XIAP: variants seen among roughly 807,000 people sequenced by gnomAD.
The protein encoded by XIAP is E3 ubiquitin-protein ligase XIAP.
XIAP carries 3 observed loss-of-function variants against 33.1 expected under a neutral mutation model. The ratio of observed to expected loss-of-function variants is 0.09; its 90% CI spans 0.04 to 0.23. The LOEUF is 0.23. XIAP is among the 10% of genes least tolerant of loss of function. XIAP has a pLI of 1.00. For missense variants in XIAP, 264 were observed against 363.0 expected, an observed-to-expected ratio of 0.73 and a Z score of 2.22; for synonymous variants, 98 against 121.3, an observed-to-expected ratio of 0.81 and a Z score of 1.26.
At chrX:123,891,418 TTCA>T in intron 4 of XIAP, 102 bp downstream of exon 4, 2 of 410,001 alleles carry the variant, frequency 4.9e-6, no homozygotes, top group Non-Finnish European at 8.3e-6. Context: ...TAGTTATTTC[TTCA>T]TGTGATATTC....
chrX:123,888,826 C>T (rs1047905447), intron 3 of XIAP, 108 bp downstream of exon 3: 102 of 653,644 alleles, frequency 1.6e-4, no homozygotes, highest in Non-Finnish European at 2.2e-4. Flanking sequence ...GCTTGAAATT[C>T]ATGCTAGGTT....
At chrX:123,888,541 A>G (rs999882529) in intron 2 of XIAP, 78 bp from the exon 3 acceptor site, 10 of 898,768 alleles carry the variant, frequency 1.1e-5, no homozygotes, top group African/African-American at 7.8e-5. Context: ...AGATGTGCTT[A>G]ATTTTTAGGT....
Position 123,912,837 on chromosome X carries a change from G to T in XIAP, c.*5656G>T. ...CCAGTTAATTTTTTTTGTATTCTTA[G>T]TAGAGACAGGGTTTCACCATGTTGG... On this transcript the variant is annotated 3_prime_UTR_variant, in exon 7 of 7. Coordinates refer to ENST00000371199, the MANE Select transcript of XIAP (RefSeq NM_001167.4). The T allele has an allele frequency of 3.1e-6, 1 of 323,953 alleles. No homozygotes were observed. Among genetic ancestry groups the T allele is most frequent in the Non-Finnish European group, 6.0e-6 (1 of 167,847 alleles). The allele number at this position is 323,953 out of a possible 1,213,427, so 26.7% of individuals were successfully genotyped here.
chrX:123,889,204 C>A (rs1387509085), intron 3 of XIAP, among the ~76,000 whole-genome samples: 1 of 110,097 alleles, frequency 9.1e-6, no homozygotes, highest in African/African-American at 3.3e-5. Context: ...GATTCTCCTG[C>A]CTCAGCCTCC....
intron 1 of XIAP, 117 bp downstream of exon 1, chrX:123,860,410 A>T (rs2053068196): frequency 2.4e-5 from 7 of 292,678 alleles, no homozygotes; most frequent in South Asian, 1.8e-4. Context: ...GGAGGGCGGG[A>T]AGGCCGCGCC....
intron 1 of XIAP, among the ~76,000 whole-genome samples, chrX:123,877,923 G>A (rs1018340731): frequency 3.7e-5 from 4 of 108,319 alleles, no homozygotes; most frequent in African/African-American, 1.0e-4. Context: ...GCAGTGAGCC[G>A]AGATCGCGCC....
In XIAP at chrX:123,908,185, C is replaced by A. The variant is rs1320056184; in HGVS notation, c.*1004C>A. The A allele has an allele frequency of 2.8e-6, 1 of 362,859 alleles. No individual in the cohort carries two copies. Among genetic ancestry groups the A allele is most frequent in the East Asian group, 6.3e-5 (1 of 15,985 alleles). The allele number at this position is 362,859 out of a possible 1,213,427, so 29.9% of individuals were successfully genotyped here. A position where few individuals can be genotyped will look rare whatever the true frequency, so the allele number is the denominator to read the frequency against. On this transcript the variant is annotated 3_prime_UTR_variant, in exon 7 of 7. Coordinates refer to ENST00000371199, the MANE Select transcript of XIAP (RefSeq NM_001167.4). ...TAATCCAAGAAGGCAGGGCAGTTAA[C>A]CTTTTTGGTGCCAATGTGAAATGTA...
At chrX:123,879,788 T>C in intron 1 of XIAP, among the ~76,000 whole-genome samples, 1 of 111,709 alleles carries the variant, frequency 9.0e-6, no homozygotes, top group East Asian at 2.8e-4. Context: ...CCTTATATCC[T>C]TTTCCCCATT....
At chrX:123,886,565 A>G (rs746355338) in intron 2 of XIAP, 26 bp downstream of exon 2, 3 of 1,197,527 alleles carry the variant, frequency 2.5e-6, no homozygotes, top group East Asian at 5.9e-5. Flanking sequence ...AAACCAATAA[A>G]TAGCTTCCCA....
intron 6 of XIAP, among the ~76,000 whole-genome samples, chrX:123,902,809 G>A (rs1421390766): frequency 9.0e-6 from 1 of 111,613 alleles, no homozygotes; most frequent in Non-Finnish European, 1.9e-5. Flanking sequence ...TGCTCTAATA[G>A]TAAAATGAAT....
At chrX:123,867,915 ATCCACC>A (rs2053158829) in intron 1 of XIAP, among the ~76,000 whole-genome samples, 1 of 111,250 alleles carries the variant, frequency 9.0e-6, no homozygotes, top group African/African-American at 3.3e-5. Flanking sequence ...ACCTCAGGTC[ATCCACC>A]TGCCTTGGCC....
chrX:123,860,071 C>CACT lies in XIAP; in HGVS notation c.-254_-252dup, dbSNP rs2053064004. The CACT allele has an allele frequency of 3.0e-6, 1 of 329,753 alleles. No individual in the cohort carries two copies. Among genetic ancestry groups the CACT allele is most frequent in the Non-Finnish European group, 5.9e-6 (1 of 169,961 alleles). 27.2% of individuals were successfully genotyped at this position (329,753 alleles called of 1,213,427 possible). A position where few individuals can be genotyped will look rare whatever the true frequency, so the allele number is the denominator to read the frequency against. On this transcript the variant is annotated 5_prime_UTR_variant, in exon 1 of 7. Coordinates refer to ENST00000371199, the MANE Select transcript of XIAP (RefSeq NM_001167.4). ...TCTCTTTGAGGCCCTGACGTGGACA[C>CACT]ACTTCGGGTTTCACGACTCCGGGTT...
At chrX:123,870,301 A>G (rs1250619089) in intron 1 of XIAP, among the ~76,000 whole-genome samples, 1 of 64,966 alleles carries the variant, frequency 1.5e-5, no homozygotes, top group Admixed American at 1.7e-4. Context: ...CATGTTTAGT[A>G]GAGAAGTACT....
intron 1 of XIAP, among the ~76,000 whole-genome samples, chrX:123,870,944 G>T (rs1453336857): frequency 9.0e-6 from 1 of 110,679 alleles, no homozygotes; most frequent in Non-Finnish European, 1.9e-5. Context: ...GTGTGTGCGT[G>T]TGTGTGTGTG....
rs1326159854 is a variant in XIAP at position 123,909,474 on chromosome X, T to G, written c.*2293T>G. ...TATAGTCATTAACTTGAATTTGGTC[T>G]GTATAGTCTAGACTTTAAATTTAAA... On this transcript the variant is annotated 3_prime_UTR_variant, in exon 7 of 7. Transcript: ENST00000371199. 1 of 326,547 alleles carries G rather than the reference T, an allele frequency of 3.1e-6. No individual in the cohort carries two copies. Among genetic ancestry groups the G allele is most frequent in the Non-Finnish European group, 5.9e-6 (1 of 169,411 alleles). 26.9% of individuals were successfully genotyped at this position (326,547 alleles called of 1,213,427 possible).
At position 123,912,217 on chromosome X, in the gene XIAP, A is replaced by G. The variant is rs1166683011; in HGVS notation, c.*5036A>G. On this transcript the variant is annotated 3_prime_UTR_variant, in exon 7 of 7. Coordinates refer to ENST00000371199, the MANE Select transcript of XIAP (RefSeq NM_001167.4). ...CCAAGGAGGAATTGAAAACACTGAG[A>G]AAAAAAAAAAAGACCACACAATAAA... is the stretch of plus-strand genomic sequence containing the variant. The G allele has an allele frequency of 2.3e-4, 36 of 156,333 alleles. No homozygotes were observed. The highest frequency in any genetic ancestry group is 3.4e-4 in the Non-Finnish European group (29 of 84,955). 12.9% of individuals were successfully genotyped at this position (156,333 alleles called of 1,213,427 possible).
chrX:123,901,524 T>G (rs1204198735), intron 6 of XIAP, among the ~76,000 whole-genome samples: 1 of 111,950 alleles, frequency 8.9e-6, no homozygotes, highest in African/African-American at 3.2e-5. Flanking sequence ...TTGACCATCC[T>G]CCCTCCAAAA....
At chrX:123,860,975 C>T (rs1232433137) in intron 1 of XIAP, among the ~76,000 whole-genome samples, 1 of 111,861 alleles carries the variant, frequency 8.9e-6, no homozygotes, top group Non-Finnish European at 1.9e-5. Context: ...GTCGCTAGTT[C>T]TGTCACAACT....
rs1364174099 is a variant in XIAP, at chrX:123,913,208, A to G, written c.*6027A>G. 3.1e-6 allele frequency: 1 copy of G among 326,718 alleles called. No individual in the cohort carries two copies. The highest frequency in any genetic ancestry group is 2.7e-5 in the African/African-American group (1 of 37,436). The allele number at this position is 326,718 out of a possible 1,213,427, so 26.9% of individuals were successfully genotyped here. On this transcript the variant is annotated 3_prime_UTR_variant, in exon 7 of 7. Coordinates refer to ENST00000371199, the MANE Select transcript of XIAP (RefSeq NM_001167.4). ...CAAATGGCGCCGGGCACGGTGGCTC[A>G]CGCCTGTAATCCCAGCAGTTTCCGA...
Sources: gnomAD v4.1 joint callset for allele counts (sites outside exome capture counted in the v4.1 genomes callset) on GRCh38, gnomAD v4.1.1 for gene constraint, MANE v1.5 for transcripts, NCBI Gene and HGNC (gene_info 2026-07-23, HGNC 2026-07-21) for gene names.